Variants in AGBL4 observed in about 807,000 individuals in gnomAD.
AGBL4 encodes AGBL carboxypeptidase 4.
A neutral mutation model predicts 66.4 loss-of-function variants in AGBL4; 58 were observed. The ratio of observed to expected loss-of-function variants is 0.87; its 90% confidence interval spans 0.71 to 1.09. AGBL4 has a LOEUF of 1.09. AGBL4 is among the 50% of genes least tolerant of loss of function. The pLI is 0.00. For missense variants in AGBL4, 579 were observed against 631.0 expected, an observed-to-expected ratio of 0.92 and a Z score of 0.88; for synonymous variants, 234 against 222.9, an observed-to-expected ratio of 1.05 and a Z score of -0.44.
chr1:49,243,663 G>C (rs979276620), intron 4 of AGBL4, among the ~76,000 whole-genome samples: 1 of 151,630 alleles, frequency 6.6e-6, no homozygotes, highest in African/African-American at 2.4e-5. Context: ...CTACAACAGT[G>C]CATAGCACAT....
At chr1:48,741,665 A>T (rs796796159) in intron 6 of AGBL4, among the ~76,000 whole-genome samples, 6 of 152,366 alleles carry the variant, frequency 3.9e-5, no homozygotes, top group African/African-American at 1.4e-4. Context: ...ACATATCTGG[A>T]CAAACCCAAA....
intron 3 of AGBL4, among the ~76,000 whole-genome samples, chr1:49,363,426 T>C (rs896379588): frequency 6.6e-6 from 1 of 152,198 alleles, no homozygotes; most frequent in Non-Finnish European, 1.5e-5. Flanking sequence ...TCCATATTTG[T>C]AACAAGCATT....
At position 48,880,079 on chromosome 1, in the gene AGBL4, A is replaced by C. The variant is rs1185971327; in HGVS notation, c.595-12849T>G. Among the ~76,000 whole-genome samples, 2 of 152,252 alleles carry C rather than the reference A, an allele frequency of 1.3e-5. 1 individual carries two copies. Among genetic ancestry groups the C allele is most frequent in the East Asian group, 3.9e-4 (2 of 5,180 alleles). On this transcript the variant is annotated intron_variant, in intron 5 of 13. Coordinates refer to ENST00000371839, the MANE Select transcript of AGBL4 (RefSeq NM_032785.4). ...TGCACCCACCACCTGAGCAGTATACACTGAACTCTGTTTGTAGTCTTTTAT... is the reference window on the plus strand; with the variant it reads ...TGCACCCACCACCTGAGCAGTATACCCTGAACTCTGTTTGTAGTCTTTTAT...
chr1:48,781,500 G>T (rs1645292314), intron 6 of AGBL4, among the ~76,000 whole-genome samples: 1 of 152,216 alleles, frequency 6.6e-6, no homozygotes, highest in African/African-American at 2.4e-5. Context: ...AGATATTGAT[G>T]ATTCATTGAC....
chr1:49,512,911 C>T (rs1649410787), intron 3 of AGBL4, among the ~76,000 whole-genome samples: 1 of 151,916 alleles, frequency 6.6e-6, no homozygotes, highest in Non-Finnish European at 1.5e-5. Flanking sequence ...AAGTTGTACT[C>T]TTTTCAAAAA....
chr1:48,874,174 G>A (rs1648986065), intron 5 of AGBL4, among the ~76,000 whole-genome samples: 1 of 152,134 alleles, frequency 6.6e-6, no homozygotes, highest in Non-Finnish European at 1.5e-5. Flanking sequence ...TCCAGAAACA[G>A]GCGCCACAGG....
At chr1:49,883,958 G>A (rs1446616159) in intron 1 of AGBL4, among the ~76,000 whole-genome samples, 1 of 151,890 alleles carries the variant, frequency 6.6e-6, no homozygotes, top group Non-Finnish European at 1.5e-5. Flanking sequence ...CATTCTACAT[G>A]CACATAAAAC....
chr1:49,318,625 G>C (rs771861111), intron 3 of AGBL4, among the ~76,000 whole-genome samples: 1 of 151,976 alleles, frequency 6.6e-6, no homozygotes, highest in African/African-American at 2.4e-5. Context: ...GTATTGCCAA[G>C]TAGAAAATAA....
intron 1 of AGBL4, among the ~76,000 whole-genome samples, chr1:50,001,925 T>G (rs1031500883): frequency 2.6e-5 from 4 of 152,202 alleles, no homozygotes; most frequent in African/African-American, 9.6e-5. Flanking sequence ...ACCACTGGTC[T>G]AAGAGAAACT....
At chr1:49,620,895 T>C (rs1303873676) in intron 3 of AGBL4, among the ~76,000 whole-genome samples, 3 of 152,118 alleles carry the variant, frequency 2.0e-5, no homozygotes, top group Admixed American at 6.6e-5. Context: ...GATTAAGTTA[T>C]TTTCTGTATC....
chr1:48,856,179 A>G (rs1167763760), intron 6 of AGBL4, among the ~76,000 whole-genome samples: 1 of 152,218 alleles, frequency 6.6e-6, no homozygotes, highest in Non-Finnish European at 1.5e-5. Flanking sequence ...CAAAATTTGT[A>G]CAATGAGCAT....
At chr1:49,511,956 A>C (rs1649306322) in intron 3 of AGBL4, among the ~76,000 whole-genome samples, 1 of 152,070 alleles carries the variant, frequency 6.6e-6, no homozygotes, top group African/African-American at 2.4e-5. Flanking sequence ...ACAGTAAATA[A>C]GGAATGATGC....
chr1:48,607,298 A>C (rs915753038), intron 9 of AGBL4, among the ~76,000 whole-genome samples: 2 of 152,160 alleles, frequency 1.3e-5, no homozygotes, highest in Non-Finnish European at 2.9e-5. Context: ...AGACAACGCA[A>C]AGGAAATCTA....
In AGBL4 at chr1:49,272,137, A is replaced by G. The variant is rs368530277; in HGVS notation, c.283-26273T>C. Among the ~76,000 whole-genome samples the G allele has an allele frequency of 1.1e-3, 164 of 152,334 alleles. 1 individual carries two copies. Among genetic ancestry groups the G allele is most frequent in the African/African-American group, 3.8e-3 (158 of 41,580 alleles). ...AAAAACATGCAGTTTAAATACTTAGAAAACTGTCTTTATAACGGAGTAAAA... is the reference window on the plus strand; with the variant it reads ...AAAAACATGCAGTTTAAATACTTAGGAAACTGTCTTTATAACGGAGTAAAA... On this transcript the variant is annotated intron_variant, in intron 3 of 13. Transcript: ENST00000371839.
intron 6 of AGBL4, among the ~76,000 whole-genome samples, chr1:48,782,197 C>T (rs1645312027): frequency 1.3e-5 from 2 of 152,224 alleles, no homozygotes; most frequent in African/African-American, 4.8e-5. Context: ...TCTCACCCCT[C>T]CCCCGACTCT....
intron 4 of AGBL4, among the ~76,000 whole-genome samples, chr1:49,197,141 G>A (rs965006145): frequency 1.3e-5 from 2 of 152,094 alleles, no homozygotes; most frequent in African/African-American, 4.8e-5. Context: ...ATGTATGTTG[G>A]TAGGGCCTTT....
intron 5 of AGBL4, among the ~76,000 whole-genome samples, chr1:49,003,362 C>T (rs1661538455): frequency 6.6e-6 from 1 of 152,130 alleles, no homozygotes; most frequent in Admixed American, 6.5e-5. Context: ...CACGCCATTG[C>T]ACTCCAGCCT....
chr1:48,904,222 T>A (rs1281100272), intron 5 of AGBL4, among the ~76,000 whole-genome samples: 1 of 152,148 alleles, frequency 6.6e-6, no homozygotes, highest in Non-Finnish European at 1.5e-5. Flanking sequence ...GAGGTTGCAG[T>A]GAGCCAAGAT....
intron 5 of AGBL4, among the ~76,000 whole-genome samples, chr1:48,960,867 T>C (rs1052640209): frequency 1.3e-5 from 2 of 152,236 alleles, no homozygotes; most frequent in Admixed American, 6.5e-5. Context: ...ATATATAAAA[T>C]AATAGTTGTG....
Sources: gnomAD v4.1 joint callset for allele counts (sites outside exome capture counted in the v4.1 genomes callset) on GRCh38, gnomAD v4.1.1 for gene constraint, MANE v1.5 for transcripts, NCBI Gene and HGNC (gene_info 2026-07-23, HGNC 2026-07-21) for gene names.